The following ATE1 variants were observed in gnomAD, a reference collection of about 807,000 sequenced individuals.
ATE1 encodes the protein arginyl-tRNA--protein transferase 1.
ATE1 carries 36 observed loss-of-function variants against 70.5 expected under a neutral mutation model. The observed-to-expected ratio is 0.51, with a 90% confidence interval of 0.39 to 0.67. The LOEUF is 0.67. ATE1 is among the 30% of genes least tolerant of loss of function. ATE1 has a pLI of 0.00. For synonymous variants in ATE1, 232 were observed against 219.3 expected, an observed-to-expected ratio of 1.06 and a Z score of -0.51; for missense variants, 593 against 629.5, an observed-to-expected ratio of 0.94 and a Z score of 0.62.
intron 3 of ATE1, among the ~76,000 whole-genome samples, chr10:121,919,539 C>T (rs112759039): frequency 1.1e-4 from 17 of 149,538 alleles, no homozygotes; most frequent in African/African-American, 3.4e-4. Flanking sequence ...CCAGCCTGGG[C>T]GACAGCAAGA....
chr10:121,926,539 C>T (rs1048491587), intron 1 of ATE1, among the ~76,000 whole-genome samples: 9 of 152,078 alleles, frequency 5.9e-5, no homozygotes, highest in East Asian at 1.9e-4. Flanking sequence ...TTCGACAAAA[C>T]GTGAAATACA....
chr10:121,843,501 G>C (rs1180358255), intron 8 of ATE1, among the ~76,000 whole-genome samples: 4 of 152,106 alleles, frequency 2.6e-5, no homozygotes, highest in Non-Finnish European at 5.9e-5. Context: ...GAAGAAAAAA[G>C]TTGGAAAAAA....
intron 7 of ATE1, among the ~76,000 whole-genome samples, chr10:121,888,722 G>A (rs1950486505): frequency 6.6e-6 from 1 of 152,118 alleles, no homozygotes; most frequent in South Asian, 2.1e-4. Context: ...CCTCATACCA[G>A]GAACTACTAA....
intron 10 of ATE1, among the ~76,000 whole-genome samples, chr10:121,820,711 A>G (rs1316679787): frequency 2.0e-5 from 3 of 152,236 alleles, no homozygotes; most frequent in African/African-American, 7.2e-5. Flanking sequence ...AATGGAATCA[A>G]TGCTAGTCTG....
chr10:121,766,348 C>G (rs1175790193), intron 11 of ATE1, among the ~76,000 whole-genome samples: 1 of 152,090 alleles, frequency 6.6e-6, no homozygotes, highest in Non-Finnish European at 1.5e-5. Context: ...GGGGGCCTTC[C>G]ACTCCAGGAA....
chr10:121,801,550 TAATATA>T (rs10561927), intron 10 of ATE1, among the ~76,000 whole-genome samples: 95,921 of 151,210 alleles, frequency 0.63, 30,332 homozygotes, highest in South Asian at 0.66. Flanking sequence ...ACAAAGAAGA[TAATATA>T]AAGAGAGAAA....
At chr10:121,760,202 C>T (rs1944982068) in intron 11 of ATE1, among the ~76,000 whole-genome samples, 1 of 152,232 alleles carries the variant, frequency 6.6e-6, no homozygotes, top group African/African-American at 2.4e-5. Flanking sequence ...CCTGCTAACA[C>T]AATAACCATT....
intron 8 of ATE1, among the ~76,000 whole-genome samples, chr10:121,867,842 T>C (rs1949714805): frequency 6.6e-6 from 1 of 152,216 alleles, no homozygotes; most frequent in Non-Finnish European, 1.5e-5. Context: ...ATTTTAATGG[T>C]TGTAGGGTGT....
chr10:121,927,328 TTTTTTTTTTTAAC>T (rs1952135278), intron 1 of ATE1: 2 of 625,260 alleles, frequency 3.2e-6, no homozygotes, highest in East Asian at 2.8e-4. Flanking sequence ...TTTCTTGTCC[TTTTTTTTTTTAAC>T]TTTTTTTTTT....
intron 11 of ATE1, among the ~76,000 whole-genome samples, chr10:121,758,851 G>C (rs1554886060): frequency 6.6e-6 from 1 of 152,008 alleles, no homozygotes; most frequent in African/African-American, 2.4e-5. Context: ...AATTGGTTTG[G>C]GGTATCACAA....
At chr10:121,824,956 A>T (rs2133626845) in intron 10 of ATE1, among the ~76,000 whole-genome samples, 1 of 152,158 alleles carries the variant, frequency 6.6e-6, no homozygotes, top group Non-Finnish European at 1.5e-5. Context: ...TTACAGTAAA[A>T]AAAAAAAGTG....
intron 10 of ATE1, among the ~76,000 whole-genome samples, chr10:121,808,068 G>A (rs1391987416): frequency 9.3e-6 from 1 of 107,026 alleles, no homozygotes; most frequent in African/African-American, 3.6e-5. Flanking sequence ...TCAAGGGTCT[G>A]TTTATCTTGT....
intron 11 of ATE1, among the ~76,000 whole-genome samples, chr10:121,774,539 T>C (rs1221301559): frequency 6.6e-6 from 1 of 152,202 alleles, no homozygotes; most frequent in African/African-American, 2.4e-5. Context: ...TCAGTACAGA[T>C]GGCAGGTGAG....
intron 10 of ATE1, among the ~76,000 whole-genome samples, chr10:121,804,039 GA>G (rs1946998089): frequency 6.6e-6 from 1 of 152,188 alleles, no homozygotes; most frequent in African/African-American, 2.4e-5. Flanking sequence ...GGACTTGGTA[GA>G]AAGTTAATGT....
At chr10:121,903,073 C>CCAGACTGGTCTCAAAGTCCCTTGGA (rs1951047846) in intron 5 of ATE1, among the ~76,000 whole-genome samples, 1 of 150,252 alleles carries the variant, frequency 6.7e-6, no homozygotes. Flanking sequence ...ACCATGTTGG[C>CCAGACTGGTCTCAAAGTCCCTTGGA]CAGACTGGTC....
At chr10:121,770,734 T>TAAAA (rs57921362) in intron 11 of ATE1, among the ~76,000 whole-genome samples, 2 of 140,798 alleles carry the variant, frequency 1.4e-5, no homozygotes, top group Non-Finnish European at 1.5e-5. Context: ...TTTCCTTAAC[T>TAAAA]AAAAAAAAAA....
chr10:121,771,539 T>A (rs1456652531), intron 11 of ATE1, among the ~76,000 whole-genome samples: 3 of 152,196 alleles, frequency 2.0e-5, no homozygotes, highest in Non-Finnish European at 4.4e-5. Context: ...CAGTTTATCT[T>A]AAGGTCCTAA....
chr10:121,817,555 A>G (rs558188366), intron 10 of ATE1, among the ~76,000 whole-genome samples: 1 of 152,000 alleles, frequency 6.6e-6, no homozygotes, highest in Non-Finnish European at 1.5e-5. Context: ...AAAAAAGAAG[A>G]GCTCAAATCC....
chr10:121,841,988 T>C (rs1348973834), intron 8 of ATE1, among the ~76,000 whole-genome samples: 1 of 152,062 alleles, frequency 6.6e-6, no homozygotes, highest in Non-Finnish European at 1.5e-5. Flanking sequence ...ATGAGAAAAA[T>C]ATGAGGAACA....
Sources: gnomAD v4.1 joint callset for allele counts (sites outside exome capture counted in the v4.1 genomes callset) on GRCh38, gnomAD v4.1.1 for gene constraint, MANE v1.5 for transcripts, NCBI Gene and HGNC (gene_info 2026-07-23, HGNC 2026-07-21) for gene names.